Variants in EXOC4 observed in about 807,000 individuals in gnomAD.
The protein encoded by EXOC4 is exocyst complex component 4, also known as SEC8-like 1.
EXOC4 carries 71 observed loss-of-function variants against 107.2 expected under a neutral mutation model. The ratio of observed to expected loss-of-function variants is 0.66; its 90% CI spans 0.55 to 0.81. EXOC4 has a LOEUF of 0.81. EXOC4 is among the 30% of genes least tolerant of loss of function. The pLI, the probability that EXOC4 is intolerant of heterozygous loss-of-function variation, is 0.00. For missense variants in EXOC4, 1,108 were observed against 1,189.6 expected (o/e 0.93, Z 1.01); for synonymous variants, 456 against 441.2 (o/e 1.03, Z -0.42).
intron 9 of EXOC4, among the ~76,000 whole-genome samples, chr7:133,577,087 G>C (rs1302422230): frequency 3.3e-5 from 5 of 152,138 alleles, no homozygotes; most frequent in Non-Finnish European, 5.9e-5. Flanking sequence ...TGTGAGTTAT[G>C]ATAGACGCAA....
chr7:133,317,670 T>TTTTC (rs544788906), intron 5 of EXOC4, among the ~76,000 whole-genome samples: 41 of 152,166 alleles, frequency 2.7e-4, no homozygotes, highest in African/African-American at 5.3e-4. Flanking sequence ...CCAGCACTGT[T>TTTTC]TTTCTTTCTT....
chr7:134,052,608 G>A (rs2116588675), intron 17 of EXOC4, among the ~76,000 whole-genome samples: 1 of 152,220 alleles, frequency 6.6e-6, no homozygotes, highest in South Asian at 2.1e-4. Context: ...AAAGTTAGCA[G>A]TTAGTTTTAT....
chr7:134,005,237 CTT>C (rs1794619396), intron 16 of EXOC4, 147 bp downstream of exon 16: 2 of 745,552 alleles, frequency 2.7e-6, no homozygotes, highest in South Asian at 3.7e-5. Flanking sequence ...TACCTAGCCT[CTT>C]TGTGTATGAC....
chr7:134,035,670 G>A (rs1303065443), intron 17 of EXOC4, among the ~76,000 whole-genome samples: 2 of 151,982 alleles, frequency 1.3e-5, no homozygotes, highest in Non-Finnish European at 2.9e-5. Context: ...AAGGTAGGGT[G>A]GCTTGTGGGT....
chr7:133,275,616 T>C (rs1793971290), intron 2 of EXOC4, among the ~76,000 whole-genome samples: 1 of 152,146 alleles, frequency 6.6e-6, no homozygotes, highest in African/African-American at 2.4e-5. Context: ...CTATTGACAC[T>C]CACATGAATT....
intron 9 of EXOC4, among the ~76,000 whole-genome samples, chr7:133,499,344 T>C (rs907988037): frequency 8.5e-5 from 13 of 152,114 alleles, no homozygotes; most frequent in Non-Finnish European, 1.6e-4. Context: ...GTAAAAGAAG[T>C]TCAATATTAT....
At chr7:133,471,527 A>G (rs1798878582) in intron 7 of EXOC4, among the ~76,000 whole-genome samples, 1 of 152,236 alleles carries the variant, frequency 6.6e-6, no homozygotes, top group Non-Finnish European at 1.5e-5. Flanking sequence ...GAGGCAAACA[A>G]TGAAGCAAAC....
At chr7:133,562,297 T>C (rs1383963239) in intron 9 of EXOC4, among the ~76,000 whole-genome samples, 1 of 152,176 alleles carries the variant, frequency 6.6e-6, no homozygotes, top group African/African-American at 2.4e-5. Flanking sequence ...GCTCCTATGA[T>C]ATGAAGGCAG....
chr7:133,413,976 T>C (rs1797418446), intron 7 of EXOC4, among the ~76,000 whole-genome samples: 1 of 152,046 alleles, frequency 6.6e-6, no homozygotes, highest in South Asian at 2.1e-4. Context: ...AAAGACTGAC[T>C]TAAAAAAATA....
intron 7 of EXOC4, among the ~76,000 whole-genome samples, chr7:133,433,796 C>T (rs1469750291): frequency 6.6e-6 from 1 of 152,174 alleles, no homozygotes; most frequent in East Asian, 1.9e-4. Context: ...GGATTGAAAG[C>T]TCACTTTAAA....
chr7:133,986,560 A>C (rs1222900825), intron 14 of EXOC4, among the ~76,000 whole-genome samples: 3 of 152,230 alleles, frequency 2.0e-5, no homozygotes, highest in Non-Finnish European at 4.4e-5. Flanking sequence ...GGACATCTCT[A>C]TTCCAAGAAA....
intron 5 of EXOC4, among the ~76,000 whole-genome samples, chr7:133,326,724 A>G (rs776838031): frequency 3.3e-5 from 5 of 152,292 alleles, no homozygotes; most frequent in African/African-American, 4.8e-5. Context: ...AACCACTACA[A>G]ACTTCAAAGC....
intron 9 of EXOC4, among the ~76,000 whole-genome samples, chr7:133,514,385 A>G (rs751971272): frequency 8.5e-5 from 13 of 152,144 alleles, no homozygotes; most frequent in Non-Finnish European, 1.9e-4. Context: ...CATTGTCTCA[A>G]TCTGCTGACC....
chr7:134,049,384 C>G (rs2116570536), intron 17 of EXOC4, among the ~76,000 whole-genome samples: 1 of 152,318 alleles, frequency 6.6e-6, no homozygotes, highest in Middle Eastern at 3.4e-3. Flanking sequence ...GCCTTGCCCA[C>G]CTTTCCCCTT....
intron 9 of EXOC4, among the ~76,000 whole-genome samples, chr7:133,554,148 T>G (rs1034569346): frequency 6.6e-6 from 1 of 152,146 alleles, no homozygotes; most frequent in Non-Finnish European, 1.5e-5. Flanking sequence ...AGGTGGATCT[T>G]TAGGAAAATA....
chr7:133,908,477 C>G (rs1799618746), intron 12 of EXOC4, among the ~76,000 whole-genome samples: 1 of 152,220 alleles, frequency 6.6e-6, no homozygotes, highest in African/African-American at 2.4e-5. Context: ...GCTTCACATG[C>G]TTTAGAGAGA....
chr7:133,363,871 G>A (rs1796187822), intron 6 of EXOC4, among the ~76,000 whole-genome samples: 1 of 152,076 alleles, frequency 6.6e-6, no homozygotes, highest in East Asian at 1.9e-4. Flanking sequence ...AATAATACTG[G>A]ATCTTTTCAT....
intron 17 of EXOC4, among the ~76,000 whole-genome samples, chr7:134,041,968 C>G (rs1016715846): frequency 3.9e-5 from 6 of 152,124 alleles, no homozygotes; most frequent in Non-Finnish European, 8.8e-5. Flanking sequence ...TTCTGCTGGG[C>G]ATATGTGCAG....
chr7:133,917,587 A>G lies in EXOC4; in HGVS notation c.1876A>G (p.Ile626Val), dbSNP rs758777671. The change falls in exon 13 of 18, where the codon ATT becomes GTT. Residue 626 changes from isoleucine (I) to valine (V), a missense_variant. Transcript: ENST00000253861. ...KDTCTAAYRG[I>V]VQSEEKLVIS... ...TTTTCTATTGGCTGTGTTTAGGGGT[A>G]TTGTCCAGTCAGAAGAAAAACTTGT... The G allele has an allele frequency of 6.1e-5, 99 of 1,613,812 alleles. 1 individual carries two copies. Among genetic ancestry groups the G allele is most frequent in the Admixed American group, 3.3e-4 (20 of 59,998 alleles).
Sources: allele counts gnomAD v4.1 joint callset (sites outside exome capture counted in the v4.1 genomes callset), GRCh38; gene constraint gnomAD v4.1.1; transcripts MANE v1.5; gene names NCBI Gene and HGNC (gene_info 2026-07-23, HGNC 2026-07-21).